MYRFL: variants seen among roughly 807,000 people sequenced by gnomAD.
The protein encoded by MYRFL is myelin regulatory factor-like protein.
Under a neutral mutation model 109.4 loss-of-function variants are expected in MYRFL, and 88 were observed. The observed-to-expected ratio is 0.80, with a 90% CI of 0.68 to 0.96. The LOEUF (loss-of-function observed/expected upper bound fraction) is 0.96, where lower values mean the gene tolerates loss of function less well. MYRFL is among the 40% of genes least tolerant of loss of function. MYRFL has a pLI of 0.00. For missense variants in MYRFL, 957 were observed against 954.9 expected (o/e 1.00, Z -0.03); for synonymous variants, 324 against 320.9 (o/e 1.01, Z -0.10).
rs1009297655 is a variant in MYRFL at position 69,926,642 on chromosome 12, A to G, written c.1674A>G (p.Arg558=). 2.0e-6 allele frequency: 3 copies of G among 1,530,898 alleles called. No homozygotes were observed. Among genetic ancestry groups the G allele is most frequent in the Admixed American group, 2.0e-5 (1 of 50,676 alleles). 94.8% of individuals were successfully genotyped at this position (1,530,898 alleles called of 1,614,324 possible). A position where few individuals can be genotyped will look rare whatever the true frequency, so the allele number is the denominator to read the frequency against. ...AACTAACTAACAACCTTGAGGAAAG[A>G]ATAGAAGAGTTAGAAATATGGAACA... The part of the protein sequence containing the change: ...LCKLTNNLEE[R]IEELEIWNRK... The change falls in exon 14 of 25, where the codon AGA becomes AGG. Residue 558 remains arginine, a synonymous_variant. Transcript: ENST00000552032.
intron 1 of MYRFL, among the ~76,000 whole-genome samples, chr12:69,846,948 G>A (rs1232203301): frequency 6.6e-6 from 1 of 152,020 alleles, no homozygotes; most frequent in Non-Finnish European, 1.5e-5. Flanking sequence ...CTGATGGCCA[G>A]TGATGATGAG....
At chr12:69,929,618 G>A (rs777235785) in intron 15 of MYRFL, among the ~76,000 whole-genome samples, 5 of 152,144 alleles carry the variant, frequency 3.3e-5, no homozygotes, top group Non-Finnish European at 7.4e-5. Flanking sequence ...AGCCGTGAAG[G>A]CATTTTGAAT....
chr12:69,891,643 T>TTCTTTCTTTCTTTCTTTCTTTC (rs1886871999), intron 7 of MYRFL, among the ~76,000 whole-genome samples: 1 of 90,456 alleles, frequency 1.1e-5, no homozygotes, highest in Admixed American at 1.3e-4. Flanking sequence ...TTCTTTTTCT[T>TTCTTTCTTTCTTTCTTTCTTTC]TCTTTCTTTC....
chr12:69,936,554 CG>C lies in MYRFL; in HGVS notation c.2150del (p.Gly717GlufsTer2), dbSNP rs1566038871. ...PCQETYCCPI[R>X]GMKEVSSSPV... is the part of the protein sequence containing the mutation. The stretch of plus-strand genomic sequence containing the variant: ...TCAGGAGACTTATTGCTGCCCCATC[CG>C]GGGAATGAAAGAAGTCTCTTCAAGT... On this transcript the variant is annotated frameshift_variant, in exon 19 of 25. Transcript: ENST00000552032. LOFTEE classifies it high-confidence loss of function. The C allele has an allele frequency of 6.5e-7, 1 of 1,536,070 alleles. No homozygotes were observed. Among genetic ancestry groups the C allele is most frequent in the African/African-American group, 1.4e-5 (1 of 73,148 alleles).
intron 1 of MYRFL, among the ~76,000 whole-genome samples, chr12:69,843,017 A>T (rs543585838): frequency 6.6e-6 from 1 of 152,360 alleles, no homozygotes; most frequent in South Asian, 2.1e-4. Flanking sequence ...GATTGGTAAT[A>T]TCTCTAAGAA....
At chr12:69,902,233 A>T (rs1386910388) in intron 10 of MYRFL, among the ~76,000 whole-genome samples, 2 of 152,190 alleles carry the variant, frequency 1.3e-5, no homozygotes, top group Non-Finnish European at 2.9e-5. Context: ...TCAATGGTTG[A>T]GTCTTCCAAG....
chr12:69,945,027 T>A (rs1402730946), intron 19 of MYRFL, among the ~76,000 whole-genome samples: 1 of 151,930 alleles, frequency 6.6e-6, no homozygotes, highest in Non-Finnish European at 1.5e-5. Flanking sequence ...TGAAAAAAAA[T>A]TAAAATAAAG....
At chr12:69,895,305 G>C (rs1321738656) in intron 8 of MYRFL, 66 bp from the exon 9 acceptor site, 1 of 1,172,560 alleles carries the variant, frequency 8.5e-7, no homozygotes, top group Non-Finnish European at 1.2e-6. Context: ...AAGTGGATTA[G>C]ATATGATCAG....
intron 2 of MYRFL, among the ~76,000 whole-genome samples, chr12:69,862,646 T>G (rs1052672192): frequency 2.5e-4 from 38 of 151,888 alleles, no homozygotes; most frequent in African/African-American, 8.7e-4. Flanking sequence ...AAGGAGATTT[T>G]GGGCTGAGAC....
At chr12:69,947,235 A>T (rs7131983) in intron 19 of MYRFL, among the ~76,000 whole-genome samples, 5,294 of 152,308 alleles carry the variant, frequency 0.035, 314 homozygotes, top group African/African-American at 0.12. Flanking sequence ...TCTCAGTGGG[A>T]TGCAGAGTAA....
intron 19 of MYRFL, among the ~76,000 whole-genome samples, chr12:69,943,893 C>G (rs71454257): frequency 0.087 from 13,283 of 151,998 alleles, 790 homozygotes; most frequent in Non-Finnish European, 0.14. Flanking sequence ...AGACACTTCT[C>G]AAAAGAAGAC....
intron 1 of MYRFL, among the ~76,000 whole-genome samples, chr12:69,846,106 C>CTTTTTTTTTT (rs60251292): frequency 1.8e-4 from 11 of 61,724 alleles, no homozygotes; most frequent in East Asian, 1.4e-3. Context: ...TATTGACTAT[C>CTTTTTTTTTT]TTTTTTTTTT....
intron 2 of MYRFL, among the ~76,000 whole-genome samples, chr12:69,873,843 CTT>C (rs71094745): frequency 2.7e-4 from 40 of 149,736 alleles, no homozygotes; most frequent in Admixed American, 2.7e-4. Context: ...ATTTGTCTGT[CTT>C]TTTTTTTTTG....
intron 1 of MYRFL, among the ~76,000 whole-genome samples, chr12:69,851,983 A>G (rs980551329): frequency 4.6e-5 from 7 of 152,214 alleles, no homozygotes; most frequent in Non-Finnish European, 7.3e-5. Context: ...TATTTAGACT[A>G]TCGCTCTAGT....
intron 13 of MYRFL, among the ~76,000 whole-genome samples, chr12:69,916,518 T>A (rs1335549909): frequency 6.6e-6 from 1 of 152,216 alleles, no homozygotes; most frequent in African/African-American, 2.4e-5. Flanking sequence ...ATATCAGTTC[T>A]CTTCTTTATT....
intron 22 of MYRFL, among the ~76,000 whole-genome samples, chr12:69,957,491 C>G (rs1009648390): frequency 6.6e-6 from 1 of 151,974 alleles, no homozygotes; most frequent in Non-Finnish European, 1.5e-5. Flanking sequence ...TTTGGGTGGC[C>G]GAGGCGTTAG....
At chr12:69,899,992 T>G (rs1424381696) in intron 10 of MYRFL, among the ~76,000 whole-genome samples, 1 of 152,188 alleles carries the variant, frequency 6.6e-6, no homozygotes, top group Non-Finnish European at 1.5e-5. Context: ...ACTTTCCTTC[T>G]AAAATACTTA....
chr12:69,945,660 G>T (rs1260846366), intron 19 of MYRFL, among the ~76,000 whole-genome samples: 2 of 152,094 alleles, frequency 1.3e-5, no homozygotes. Context: ...ATCAAGGCTC[G>T]TTGCTCTCTG....
chr12:69,842,569 G>C (rs1224303159), intron 1 of MYRFL, among the ~76,000 whole-genome samples: 2 of 152,184 alleles, frequency 1.3e-5, no homozygotes, highest in East Asian at 3.8e-4. Flanking sequence ...TGAAATAAAA[G>C]CACATACAGC....
Sources: gnomAD v4.1 joint callset for allele counts (sites outside exome capture counted in the v4.1 genomes callset) on GRCh38, gnomAD v4.1.1 for gene constraint, MANE v1.5 for transcripts, NCBI Gene and HGNC (gene_info 2026-07-23, HGNC 2026-07-21) for gene names.